Variants in TNNI2 observed in about 807,000 individuals in gnomAD.
TNNI2 encodes troponin I, fast skeletal muscle.
In TNNI2, 14 loss-of-function variants were observed where a neutral mutation model predicts 26.5. The ratio of observed to expected loss-of-function variants is 0.53; its 90% CI spans 0.35 to 0.83. TNNI2 has a LOEUF of 0.83. TNNI2 is among the 40% of genes least tolerant of loss of function. The pLI is 0.01. For missense variants in TNNI2, 205 were observed against 248.5 expected, an observed-to-expected ratio of 0.82 and a Z score of 1.18; for synonymous variants, 126 against 97.6, an observed-to-expected ratio of 1.29 and a Z score of -1.71.
In TNNI2 at chr11:1,841,012, C is replaced by T; in HGVS notation, c.277-19C>T. On this transcript the variant is annotated intron_variant, in intron 6 of 7. Coordinates refer to ENST00000381911, the MANE Select transcript of TNNI2 (RefSeq NM_003282.4). ...GACCACCGGGACCTCGGGCTCCCAC[C>T]CGGCTCCCCTGCCCACAGCTGGAGG... The T allele has an allele frequency of 6.2e-7, 1 of 1,610,640 alleles. No individual in the cohort carries two copies. The highest frequency in any genetic ancestry group is 8.5e-7 in the Non-Finnish European group (1 of 1,178,828).
rs1348895437 is a variant in TNNI2, at chr11:1,839,671, A to T, written c.-22-4A>T. 1.2e-6 allele frequency: 2 copies of T among 1,613,468 alleles called. No individual in the cohort carries two copies. The highest frequency in any genetic ancestry group is 1.7e-6 in the Non-Finnish European group (2 of 1,179,848). On this transcript the variant is annotated splice_region_variant and splice_polypyrimidine_tract_variant and intron_variant, in intron 1 of 7. Transcript: ENST00000381911. Reference sequence around the variant, plus strand: ...CCAACACCTCTGTCTTCCTCTCCCCACAGGCTCCAAGCTCAGGACCTCAGG... The same window carrying T: ...CCAACACCTCTGTCTTCCTCTCCCCTCAGGCTCCAAGCTCAGGACCTCAGG...
At chr11:1,840,788 G>A (rs1164858853) in intron 5 of TNNI2, 31 bp from the exon 6 acceptor site, 1 of 1,603,674 alleles carries the variant, frequency 6.2e-7, no homozygotes, top group Non-Finnish European at 8.5e-7. Flanking sequence ...CAAGTGTCAG[G>A]ACGGCCGCCC....
At chr11:1,840,971 G>A (rs368634550) in intron 6 of TNNI2, 60 bp from the exon 7 acceptor site, 226 of 1,578,268 alleles carry the variant, frequency 1.4e-4, no homozygotes, top group South Asian at 3.2e-4. Flanking sequence ...CAGGCGGGGC[G>A]GGCCGGGGAG....
At chr11:1,840,077 A>G (rs999234654) in intron 3 of TNNI2, 2 of 1,105,418 alleles carry the variant, frequency 1.8e-6, no homozygotes, top group Middle Eastern at 2.0e-4. Context: ...GCCTGGTCAC[A>G]GGGGAATCAC....
rs779895382 is a variant in TNNI2, at chr11:1,840,990, C to T, written c.277-41C>T. ...CGGGGCGGGCCGGGGAGGCCGAGAC[C>T]ACCGGGACCTCGGGCTCCCACCCGG... is the stretch of plus-strand genomic sequence containing the variant. On this transcript the variant is annotated intron_variant, in intron 6 of 7. Coordinates refer to ENST00000381911, the MANE Select transcript of TNNI2 (RefSeq NM_003282.4). 4 of 1,598,940 alleles carry T rather than the reference C, an allele frequency of 2.5e-6. No individual in the cohort carries two copies. In the South Asian group the frequency reaches 3.3e-5, roughly 13 times the overall value.
At chr11:1,840,286 C>T in intron 3 of TNNI2, 117 bp from the exon 4 acceptor site, 3 of 1,547,618 alleles carry the variant, frequency 1.9e-6, no homozygotes, top group African/African-American at 1.4e-5. Flanking sequence ...CTCAGGAGCC[C>T]CCAGGCTCTG....
Position 1,841,608 on chromosome 11 carries a change from G to A in TNNI2, c.*57G>A. On this transcript the variant is annotated 3_prime_UTR_variant, in exon 8 of 8. Coordinates refer to ENST00000381911, the MANE Select transcript of TNNI2 (RefSeq NM_003282.4). ...CCCGGCTCCCAGCAGAACATACTAG[G>A]GAGATGCACCCAGAGCCTGCCAGGG... is the stretch of plus-strand genomic sequence containing the variant. The A allele has an allele frequency of 6.5e-7, 1 of 1,529,048 alleles. No homozygotes were observed. The highest frequency in any genetic ancestry group is 9.0e-7 in the Non-Finnish European group (1 of 1,105,038). The allele number at this position is 1,529,048 out of a possible 1,614,324, so 94.7% of individuals were successfully genotyped here.
In TNNI2 at chr11:1,841,082, C is replaced by A. The variant is rs1589796686; in HGVS notation, c.328C>A (p.Pro110Thr). The A allele has an allele frequency of 6.2e-7, 1 of 1,613,032 alleles. No individual in the cohort carries two copies. The highest frequency in any genetic ancestry group is 1.3e-5 in the African/African-American group (1 of 75,056). Residue 110 changes from proline (P) to threonine (T), a missense_variant, in exon 7 of 8, where the codon CCC becomes ACC. Transcript: ENST00000381911. ...TGATCTGCGGGGCAAGTTCAAGCGG[C>A]CCCCACTGCGGAGGGTGCGCATGTC... ...LFDLRGKFKR[P>T]PLRRVRMSAD...
intron 1 of TNNI2, 169 bp from the exon 2 acceptor site, chr11:1,839,506 C>T (rs1011967586): frequency 1.6e-6 from 1 of 640,940 alleles, no homozygotes; most frequent in Non-Finnish European, 2.7e-6. Context: ...TGGGGAATTC[C>T]AAGACATTGT....
intron 4 of TNNI2, 32 bp downstream of exon 4, chr11:1,840,476 G>C (rs779424911): frequency 6.2e-7 from 1 of 1,610,718 alleles, no homozygotes; most frequent in Non-Finnish European, 8.5e-7. Context: ...GGTGGCCCAG[G>C]TGGGTCTGCA....
intron 7 of TNNI2, 77 bp downstream of exon 7, chr11:1,841,284 C>T: frequency 2.5e-6 from 4 of 1,576,380 alleles, no homozygotes; most frequent in Non-Finnish European, 3.4e-6. Flanking sequence ...GCCTGGGGAC[C>T]ACCTCCCACA....
chr11:1,840,923 C>T lies in TNNI2; in HGVS notation c.276+15C>T, dbSNP rs200628572. On this transcript the variant is annotated intron_variant, in intron 6 of 7. Coordinates refer to ENST00000381911, the MANE Select transcript of TNNI2 (RefSeq NM_003282.4). Reference sequence around the variant, plus strand: ...CCAGCAAGGAGGTGAGTGGTGGCGGCGGGCCGGCGGCAGGCGGGTAGGCGG... The same window carrying T: ...CCAGCAAGGAGGTGAGTGGTGGCGGTGGGCCGGCGGCAGGCGGGTAGGCGG... The T allele has an allele frequency of 9.3e-5, 149 of 1,608,858 alleles. No individual in the cohort carries two copies. In the East Asian group the frequency reaches 2.3e-3, roughly 25 times the overall value.
chr11:1,840,336 G>A lies in TNNI2; in HGVS notation c.16-67G>A, dbSNP rs1006414102. 37 of 1,560,914 alleles carry A rather than the reference G, an allele frequency of 2.4e-5. No individual in the cohort carries two copies. In the East Asian group the frequency reaches 2.8e-4, roughly 12 times the overall value. Reference sequence around the variant, plus strand: ...GGAGCCCCTGACCTGGCCAGGGAGCGTGGAAGGGGGTGGGGGTGCTCCAGG... The same window carrying A: ...GGAGCCCCTGACCTGGCCAGGGAGCATGGAAGGGGGTGGGGGTGCTCCAGG... On this transcript the variant is annotated intron_variant, in intron 3 of 7. Coordinates refer to ENST00000381911, the MANE Select transcript of TNNI2 (RefSeq NM_003282.4).
At chr11:1,840,072 G>C in intron 3 of TNNI2, 1 of 1,097,904 alleles carries the variant, frequency 9.1e-7, no homozygotes, top group Non-Finnish European at 1.3e-6. Context: ...CTGTGGCCTG[G>C]TCACAGGGGA....
intron 4 of TNNI2, 24 bp from the exon 5 acceptor site, chr11:1,840,504 C>T (rs373100036): frequency 5.6e-6 from 9 of 1,610,688 alleles, no homozygotes; most frequent in Non-Finnish European, 7.6e-6. Flanking sequence ...TGGCTGCAGC[C>T]CCTCACCGCC....
chr11:1,840,585 G>T lies in TNNI2; in HGVS notation c.115G>T (p.Ala39Ser), dbSNP rs538733496. Residue 39 changes from alanine to serine, a missense_variant, in exon 5 of 8, where the codon GCA becomes TCA. Physicochemically the swap from Ala to Ser is moderately conservative, Grantham distance 99. Transcript: ENST00000381911. ...ELEKEESRREAEKQNYLAEHC... is the reference protein window; with the variant it reads ...ELEKEESRRESEKQNYLAEHC... ...GGAGAAGGAGGAGAGCCGCCGTGAG[G>T]CAGAGAAGCAGAACTACCTGGCGGA... 2.5e-6 allele frequency: 4 copies of T among 1,612,706 alleles called. No homozygotes were observed. Among genetic ancestry groups the T allele is most frequent in the East Asian group, 4.5e-5 (2 of 44,890 alleles).
chr11:1,841,333 G>A, intron 7 of TNNI2, 123 bp from the exon 8 acceptor site: 5 of 1,536,548 alleles, frequency 3.3e-6, no homozygotes, highest in Non-Finnish European at 3.6e-6. Context: ...GCCCCTCCAG[G>A]GTGCCATGCA....
chr11:1,839,423 T>C, intron 1 of TNNI2: 14 of 311,396 alleles, frequency 4.5e-5, no homozygotes, highest in East Asian at 2.5e-4. Context: ...CCACCCTCCC[T>C]CGGGGACAGC....
At position 1,840,635 on chromosome 11, in the gene TNNI2, G is replaced by C. The variant is rs774559088; in HGVS notation, c.165G>C (p.Pro55=). ...LAEHCPPLHI[P]GSMSEVQELC... ...AGCACTGCCCGCCGCTGCATATCCC[G>C]GGCTCCATGTCTGAAGTGCAGGTAC... The change falls in exon 5 of 8, where the codon CCG becomes CCC. Residue 55 remains proline, a synonymous_variant. Transcript: ENST00000381911. 1.2e-6 allele frequency: 2 copies of C among 1,612,820 alleles called. No homozygotes were observed. The highest frequency in any genetic ancestry group is 2.2e-5 in the South Asian group (2 of 91,086).
Sources: allele counts gnomAD v4.1 joint callset, GRCh38; gene constraint gnomAD v4.1.1; transcripts MANE v1.5; gene names NCBI Gene and HGNC (gene_info 2026-07-23, HGNC 2026-07-21).